SLC12A3: variants seen among roughly 807,000 people sequenced by gnomAD.
The protein encoded by SLC12A3 is solute carrier family 12 member 3, also known as Na-Cl cotransporter.
In SLC12A3, 104 loss-of-function variants were observed where a neutral mutation model predicts 121.0. The ratio of observed to expected loss-of-function variants is 0.86; its 90% confidence interval spans 0.73 to 1.01. SLC12A3 has a LOEUF of 1.01. SLC12A3 is among the 50% of genes least tolerant of loss of function. SLC12A3 has a pLI of 0.00. For missense variants in SLC12A3, 1,328 were observed against 1,356.3 expected, an observed-to-expected ratio of 0.98 and a Z score of 0.33; for synonymous variants, 536 against 533.4, an observed-to-expected ratio of 1.00 and a Z score of -0.07.
At position 56,886,467 on chromosome 16, in the gene SLC12A3, G is replaced by A. The variant is rs771326058; in HGVS notation, c.2029G>A (p.Val677Met). ...RNLSLMICGH[V>M]LIGPHKQRMP... is the part of the protein sequence containing the mutation. ...CCTCAGCCTGATGATCTGTGGCCAC[G>A]TGCTCATCGTGAGTGGCCCCTGGAG... The change falls in exon 16 of 26, where the codon GTG becomes ATG. Residue 677 changes from valine to methionine, a missense_variant. Coordinates refer to ENST00000563236, the MANE Select transcript of SLC12A3 (RefSeq NM_001126108.2). The A allele has an allele frequency of 1.7e-5, 28 of 1,613,158 alleles. No homozygotes were observed. The highest frequency in any genetic ancestry group is 1.3e-4 in the East Asian group (6 of 44,882).
intron 22 of SLC12A3, among the ~76,000 whole-genome samples, chr16:56,897,779 C>T (rs1410032923): frequency 6.6e-6 from 1 of 152,212 alleles, no homozygotes; most frequent in East Asian, 1.9e-4. Flanking sequence ...CTCCCTCTGT[C>T]CCTTGGTGGG....
At chr16:56,866,926 C>A (rs372616294) in intron 1 of SLC12A3, 144 bp from the exon 2 acceptor site, 14 of 1,100,852 alleles carry the variant, frequency 1.3e-5, no homozygotes, top group Middle Eastern at 2.7e-4. Context: ...ATTTTAAAAG[C>A]CCCTCAAGCA....
In SLC12A3 at chr16:56,872,335, C is replaced by A; in HGVS notation, c.853-16C>A. 1 of 1,588,466 alleles carries A rather than the reference C, an allele frequency of 6.3e-7. No homozygotes were observed. Among genetic ancestry groups the A allele is most frequent in the South Asian group, 1.1e-5 (1 of 90,628 alleles). On this transcript the variant is annotated splice_polypyrimidine_tract_variant and intron_variant, in intron 6 of 25. Transcript: ENST00000563236. Reference sequence around the variant, plus strand: ...AACAAAACTATCTGACCTCTGGGGTCCTTCGCCCCCTCCAGGCCCAGGTGC... The same window carrying A: ...AACAAAACTATCTGACCTCTGGGGTACTTCGCCCCCTCCAGGCCCAGGTGC...
At chr16:56,906,904 C>G (rs376980055) in intron 25 of SLC12A3, 6 of 500,568 alleles carry the variant, frequency 1.2e-5, no homozygotes, top group Non-Finnish European at 2.2e-5. Context: ...GTAAAGGCCA[C>G]GTTGGTGCTG....
chr16:56,900,039 T>A (rs2055517381), intron 23 of SLC12A3, among the ~76,000 whole-genome samples: 1 of 152,200 alleles, frequency 6.6e-6, no homozygotes, highest in South Asian at 2.1e-4. Flanking sequence ...AAATAAGACA[T>A]TTACAAACAG....
chr16:56,880,069 C>T, intron 11 of SLC12A3, 61 bp from the exon 12 acceptor site: 1 of 1,589,492 alleles, frequency 6.3e-7, no homozygotes, highest in Non-Finnish European at 8.5e-7. Context: ...CTCAGGTGGC[C>T]CCAGGGGAGG....
chr16:56,902,137 G>A (rs1230766819), intron 23 of SLC12A3: 13 of 558,910 alleles, frequency 2.3e-5, no homozygotes, highest in Admixed American at 8.2e-5. Flanking sequence ...CTGCTGGATG[G>A]TCGGGTGGGT....
At chr16:56,899,747 C>T (rs1378225938) in intron 23 of SLC12A3, 131 bp downstream of exon 23, 24 of 734,948 alleles carry the variant, frequency 3.3e-5, no homozygotes, top group African/African-American at 5.2e-5. Context: ...CTAGATGTGT[C>T]AGAGGGCACA....
chr16:56,867,335 A>G (rs930802077), intron 2 of SLC12A3, 119 bp downstream of exon 2: 17 of 966,918 alleles, frequency 1.8e-5, no homozygotes, highest in Middle Eastern at 3.2e-4. Context: ...CATCTGTACA[A>G]TGAATTCAAT....
intron 3 of SLC12A3, among the ~76,000 whole-genome samples, 160 bp from the exon 4 acceptor site, chr16:56,869,569 G>T (rs1050427688): frequency 1.3e-5 from 2 of 152,058 alleles, no homozygotes; most frequent in Non-Finnish European, 2.9e-5. Flanking sequence ...CTTATGATCT[G>T]CCCGCCTCGG....
Position 56,879,572 on chromosome 16 carries a change from CT to C in SLC12A3, c.1367del (p.Leu456ArgfsTer36), listed in dbSNP as rs2055210001. On this transcript the variant is annotated frameshift_variant, in exon 11 of 26. Transcript: ENST00000563236. LOFTEE classifies it high-confidence loss of function. ...GAGCATGGTGTCAGGCTTCGCGCCC[CT>C]GATCACGGCTGGCATCTTCGGGGCC... ...TMSMVSGFAP[L>X]ITAGIFGATL... 1 of 1,613,794 alleles carries C rather than the reference CT, an allele frequency of 6.2e-7. No homozygotes were observed. Among genetic ancestry groups the C allele is most frequent in the Admixed American group, 1.7e-5 (1 of 60,002 alleles).
chr16:56,893,970 ATTTT>A (rs1373794604), intron 21 of SLC12A3, among the ~76,000 whole-genome samples: 1 of 86,226 alleles, frequency 1.2e-5, no homozygotes, highest in Non-Finnish European at 2.2e-5. Context: ...TTTTATTTTT[ATTTT>A]ATTTATTTAT....
intron 15 of SLC12A3, among the ~76,000 whole-genome samples, chr16:56,885,841 C>T (rs1033867715): frequency 3.9e-5 from 6 of 152,168 alleles, no homozygotes; most frequent in Admixed American, 1.3e-4. Context: ...TTACAAGAAC[C>T]GGCTGAGGTC....
At chr16:56,885,237 C>T in intron 14 of SLC12A3, 28 bp from the exon 15 acceptor site, 2 of 1,322,450 alleles carry the variant, frequency 1.5e-6, no homozygotes, top group South Asian at 2.5e-5. Flanking sequence ...ACTCTGCTCT[C>T]ACCCCCGTTG....
chr16:56,913,737 G>T lies in SLC12A3; in HGVS notation c.*332G>T. 2.8e-6 allele frequency: 1 copy of T among 360,536 alleles called. No homozygotes were observed. The highest frequency in any genetic ancestry group is 2.3e-5 in the South Asian group (1 of 44,120). The allele number at this position is 360,536 out of a possible 1,614,324, so 22.3% of individuals were successfully genotyped here. ...CAGTCTTTGATTTGTATGCAAATTG[G>T]AGTCCCAATGCTGGGCGTGAATCTT... On this transcript the variant is annotated 3_prime_UTR_variant, in exon 26 of 26. Coordinates refer to ENST00000563236, the MANE Select transcript of SLC12A3 (RefSeq NM_001126108.2).
intron 8 of SLC12A3, among the ~76,000 whole-genome samples, chr16:56,876,243 A>C (rs2055162359): frequency 6.6e-6 from 1 of 152,026 alleles, no homozygotes; most frequent in Non-Finnish European, 1.5e-5. Flanking sequence ...GGCCCACCCT[A>C]ATCCGGTATG....
At chr16:56,904,538 G>A (rs2055582079) in intron 25 of SLC12A3, 76 bp downstream of exon 25, 1 of 1,401,636 alleles carries the variant, frequency 7.1e-7, no homozygotes, top group South Asian at 1.2e-5. Flanking sequence ...GGGCTCAGCA[G>A]GGGCACCACG....
At chr16:56,901,711 A>G (rs1485090651) in intron 23 of SLC12A3, among the ~76,000 whole-genome samples, 1 of 152,008 alleles carries the variant, frequency 6.6e-6, no homozygotes, top group Non-Finnish European at 1.5e-5. Context: ...TTCTGGTCTC[A>G]CTTGGGGCAG....
chr16:56,902,248 T>C (rs1433490697), intron 23 of SLC12A3, 125 bp from the exon 24 acceptor site: 1 of 1,203,506 alleles, frequency 8.3e-7, no homozygotes, highest in African/African-American at 1.5e-5. Flanking sequence ...TAAATGGCAG[T>C]GTCCGATGGG....
Sources: allele counts gnomAD v4.1 joint callset (sites outside exome capture counted in the v4.1 genomes callset), GRCh38; gene constraint gnomAD v4.1.1; transcripts MANE v1.5; gene names NCBI Gene and HGNC (gene_info 2026-07-23, HGNC 2026-07-21).